KCNIP4: variants seen among roughly 807,000 people sequenced by gnomAD.
KCNIP4 encodes Kv channel-interacting protein 4.
KCNIP4 carries 12 observed loss-of-function variants against 34.0 expected under a neutral mutation model. The ratio of observed to expected loss-of-function variants is 0.35; its 90% CI spans 0.23 to 0.57. The LOEUF (loss-of-function observed/expected upper bound fraction) is 0.57. Among genes scored for constraint, KCNIP4 ranks in the 20% least tolerant of loss-of-function variants. The probability of loss-of-function intolerance (pLI) is 0.83; values close to 1 mark genes in which losing one functional copy is unlikely to be tolerated. For synonymous variants in KCNIP4, 124 were observed against 102.2 expected, an observed-to-expected ratio of 1.21 and a Z score of -1.29; for missense variants, 238 against 311.7, an observed-to-expected ratio of 0.76 and a Z score of 1.78.
intron 1 of KCNIP4, among the ~76,000 whole-genome samples, chr4:20,950,843 G>A (rs1021956856): frequency 1.2e-4 from 18 of 152,050 alleles, no homozygotes; most frequent in African/African-American, 4.3e-4. Flanking sequence ...AATGCAGGGT[G>A]CACTCTCTGC....
At chr4:21,180,441 A>G (rs1454673745) in intron 1 of KCNIP4, among the ~76,000 whole-genome samples, 2 of 152,098 alleles carry the variant, frequency 1.3e-5, no homozygotes, top group Admixed American at 6.6e-5. Context: ...ATGGTGAGAA[A>G]CCAATATACA....
Position 20,768,578 on chromosome 4 carries a change from C to T in KCNIP4, c.289-9688G>A, listed in dbSNP as rs143078990. On this transcript the variant is annotated intron_variant, in intron 3 of 8. Coordinates refer to ENST00000382152, the MANE Select transcript of KCNIP4 (RefSeq NM_025221.6). ...CTAATATGCCCAGGTGTTTGAACTCCTAGCAACTCATTTATTCCTTCTTAG... is the reference window on the plus strand; with the variant it reads ...CTAATATGCCCAGGTGTTTGAACTCTTAGCAACTCATTTATTCCTTCTTAG... 3.6e-3 allele frequency among the ~76,000 whole-genome samples: 550 copies of T among 152,238 alleles called. 4 individuals carry two copies. The highest frequency in any genetic ancestry group is 0.017 in the Middle Eastern group (5 of 294).
chr4:21,657,840 A>ATTTT (rs1560599678), intron 1 of KCNIP4, among the ~76,000 whole-genome samples: 1 of 116,238 alleles, frequency 8.6e-6, no homozygotes, highest in African/African-American at 3.6e-5. Flanking sequence ...GTTTAAACAT[A>ATTTT]ATTTTTTTTT....
intron 1 of KCNIP4, among the ~76,000 whole-genome samples, chr4:21,601,109 C>T (rs939482612): frequency 1.2e-4 from 17 of 147,560 alleles, no homozygotes; most frequent in Non-Finnish European, 9.0e-5. Flanking sequence ...TTTTCACAGG[C>T]ACCAGTGTCC....
chr4:21,042,611 G>T (rs982228461), intron 1 of KCNIP4, among the ~76,000 whole-genome samples: 1 of 152,116 alleles, frequency 6.6e-6, no homozygotes, highest in Non-Finnish European at 1.5e-5. Flanking sequence ...AGTTCTGGTC[G>T]TCTATTGCAG....
At chr4:21,681,713 T>C (rs569234970) in intron 1 of KCNIP4, among the ~76,000 whole-genome samples, 1 of 152,034 alleles carries the variant, frequency 6.6e-6, no homozygotes, top group Non-Finnish European at 1.5e-5. Context: ...AGAAAAAAGG[T>C]TTCATTGGCT....
chr4:21,475,002 A>G (rs1281940934), intron 1 of KCNIP4, among the ~76,000 whole-genome samples: 12 of 120,504 alleles, frequency 1.0e-4, no homozygotes, highest in African/African-American at 3.2e-4. Context: ...CTCCATCTCG[A>G]AAAACAAAAA....
chr4:20,842,911 A>T (rs1719925337), intron 3 of KCNIP4, among the ~76,000 whole-genome samples: 1 of 143,428 alleles, frequency 7.0e-6, no homozygotes, highest in Non-Finnish European at 1.5e-5. Context: ...CTGGATTTAC[A>T]TTTTTTTTTT....
chr4:20,731,461 TAC>T (rs1748183960), intron 8 of KCNIP4: 1 of 985,190 alleles, frequency 1.0e-6, no homozygotes, highest in African/African-American at 1.7e-5. Context: ...AACAGGCTAC[TAC>T]CTGGAGTTCT....
At chr4:20,882,802 C>T in intron 1 of KCNIP4, 93 bp from the exon 2 acceptor site, 17 of 919,290 alleles carry the variant, frequency 1.8e-5, no homozygotes, top group Non-Finnish European at 2.9e-5. Flanking sequence ...CAGGAAGGAT[C>T]AGGGACGCAG....
At chr4:21,650,232 C>A (rs1196958606) in intron 1 of KCNIP4, among the ~76,000 whole-genome samples, 1 of 152,212 alleles carries the variant, frequency 6.6e-6, no homozygotes, top group African/African-American at 2.4e-5. Flanking sequence ...GCATGTTCTG[C>A]TAATTTTGGA....
At chr4:20,821,615 C>T (rs1717112816) in intron 3 of KCNIP4, among the ~76,000 whole-genome samples, 2 of 152,050 alleles carry the variant, frequency 1.3e-5, no homozygotes, top group Non-Finnish European at 2.9e-5. Context: ...AATATGTAGC[C>T]TTTGATCTCT....
intron 1 of KCNIP4, among the ~76,000 whole-genome samples, chr4:21,317,067 T>C (rs1363412987): frequency 6.6e-6 from 1 of 152,164 alleles, no homozygotes; most frequent in Non-Finnish European, 1.5e-5. Flanking sequence ...TCACATTTCT[T>C]AGGTGGCCAT....
intron 1 of KCNIP4, among the ~76,000 whole-genome samples, chr4:21,182,679 T>C (rs1199012356): frequency 2.0e-5 from 3 of 152,060 alleles, no homozygotes; most frequent in African/African-American, 7.2e-5. Flanking sequence ...TCCATGTCCG[T>C]GTGTACACAT....
intron 1 of KCNIP4, among the ~76,000 whole-genome samples, chr4:21,929,002 G>C (rs916890854): frequency 1.3e-5 from 2 of 152,082 alleles, no homozygotes; most frequent in African/African-American, 4.8e-5. Context: ...CAGCAATAAA[G>C]TATTGCACAA....
At chr4:21,351,461 T>C (rs536125776) in intron 1 of KCNIP4, among the ~76,000 whole-genome samples, 2 of 152,318 alleles carry the variant, frequency 1.3e-5, no homozygotes, top group African/African-American at 4.8e-5. Context: ...CCACCATGAT[T>C]GTGAGGCCTC....
chr4:21,563,891 G>A (rs1159407386), intron 1 of KCNIP4, among the ~76,000 whole-genome samples: 1 of 151,976 alleles, frequency 6.6e-6, no homozygotes, highest in Non-Finnish European at 1.5e-5. Context: ...TGTTTTGAGT[G>A]CATGATATAA....
intron 1 of KCNIP4, among the ~76,000 whole-genome samples, chr4:20,988,436 A>G (rs1736788866): frequency 6.6e-6 from 1 of 152,178 alleles, no homozygotes; most frequent in Non-Finnish European, 1.5e-5. Context: ...CTCAAATGGG[A>G]TGATTTATCT....
At chr4:20,842,910 C>CT (rs1719925106) in intron 3 of KCNIP4, among the ~76,000 whole-genome samples, 1 of 125,888 alleles carries the variant, frequency 7.9e-6, no homozygotes, top group Non-Finnish European at 1.7e-5. Flanking sequence ...ACTGGATTTA[C>CT]ATTTTTTTTT....
Sources: gnomAD v4.1 joint callset for allele counts (sites outside exome capture counted in the v4.1 genomes callset) on GRCh38, gnomAD v4.1.1 for gene constraint, MANE v1.5 for transcripts, NCBI Gene and HGNC (gene_info 2026-07-23, HGNC 2026-07-21) for gene names.